The following NRXN1 variants were observed in gnomAD, a reference collection of about 807,000 sequenced individuals.
NRXN1 encodes neurexin-1.
A neutral mutation model predicts 150.9 loss-of-function variants in NRXN1; 39 were observed. The ratio of observed to expected loss-of-function variants is 0.26; its 90% CI spans 0.20 to 0.34. The LOEUF (loss-of-function observed/expected upper bound fraction) is 0.34. Among genes scored for constraint, NRXN1 ranks in the 10% least tolerant of loss-of-function variants. The pLI, the probability that NRXN1 is intolerant of heterozygous loss-of-function variation, is 1.00. For missense variants in NRXN1, 1,815 were observed against 1,949.9 expected, an observed-to-expected ratio of 0.93 and a Z score of 1.30; for synonymous variants, 924 against 757.0, an observed-to-expected ratio of 1.22 and a Z score of -3.62.
At chr2:50,833,954 T>G (rs1671750204) in intron 5 of NRXN1, among the ~76,000 whole-genome samples, 1 of 152,312 alleles carries the variant, frequency 6.6e-6, no homozygotes. Context: ...TACTCCAGTA[T>G]GCCTATAAAA....
intron 21 of NRXN1, among the ~76,000 whole-genome samples, chr2:49,956,377 T>G (rs1674947575): frequency 6.6e-6 from 1 of 152,162 alleles, no homozygotes; most frequent in Non-Finnish European, 1.5e-5. Flanking sequence ...CGAGAAGCAT[T>G]GTCATGTTAA....
At position 50,767,008 on chromosome 2, in the gene NRXN1, G is replaced by T. The variant is rs919278276; in HGVS notation, c.833-143393C>A. On this transcript the variant is annotated intron_variant, in intron 5 of 22. Coordinates refer to ENST00000401669, the MANE Select transcript of NRXN1 (RefSeq NM_001330078.2). ...TTAACGAAATACCTTGGATACACTG[G>T]CTAGACAAAAGATTCCTGGTCCTGA... Among the ~76,000 whole-genome samples, 8 of 152,126 alleles carry T rather than the reference G, an allele frequency of 5.3e-5. No individual in the cohort carries two copies. In the South Asian group the frequency reaches 1.5e-3, roughly 28 times the overall value.
At chr2:50,562,091 T>C (rs891392749) in intron 8 of NRXN1, among the ~76,000 whole-genome samples, 7 of 152,294 alleles carry the variant, frequency 4.6e-5, no homozygotes, top group Non-Finnish European at 7.4e-5. Flanking sequence ...TCTTCCCATA[T>C]ACCAAGAAAA....
chr2:50,942,902 GGA>G (rs1382004844), intron 2 of NRXN1, among the ~76,000 whole-genome samples: 1 of 152,104 alleles, frequency 6.6e-6, no homozygotes, highest in Non-Finnish European at 1.5e-5. Flanking sequence ...TAGGCGCCAG[GGA>G]TGGAATAACA....
Position 51,027,727 on chromosome 2 carries a change from A to C in NRXN1, c.547T>G (p.Trp183Gly). The change falls in exon 2 of 23, where the codon TGG becomes GGG. Residue 183 changes from tryptophan to glycine, a missense_variant. Coordinates refer to ENST00000401669, the MANE Select transcript of NRXN1 (RefSeq NM_001330078.2). ...SVREREPFKG[W>G]IRDVRVNSSQ... ...GAGTTGACCCTCACGTCACGAATCCACCCCTTGAAGGGCTCCCGCTCCCTC... is the reference window on the plus strand; with the variant it reads ...GAGTTGACCCTCACGTCACGAATCCCCCCCTTGAAGGGCTCCCGCTCCCTC... 6.2e-7 allele frequency: 1 copy of C among 1,610,182 alleles called. No homozygotes were observed. Among genetic ancestry groups the C allele is most frequent in the Non-Finnish European group, 8.5e-7 (1 of 1,178,078 alleles).
intron 8 of NRXN1, among the ~76,000 whole-genome samples, chr2:50,617,704 T>G (rs1439750225): frequency 6.6e-6 from 1 of 152,166 alleles, no homozygotes; most frequent in East Asian, 1.9e-4. Context: ...TTAGCCACTG[T>G]GAACTAACAT....
intron 5 of NRXN1, among the ~76,000 whole-genome samples, chr2:50,647,123 G>A (rs1250422117): frequency 1.3e-5 from 2 of 151,470 alleles, no homozygotes; most frequent in Non-Finnish European, 2.9e-5. Context: ...TGAACAAACT[G>A]TATCTCTCAA....
intron 9 of NRXN1, among the ~76,000 whole-genome samples, chr2:50,544,084 T>C (rs1459819079): frequency 1.3e-5 from 2 of 152,140 alleles, no homozygotes; most frequent in African/African-American, 4.8e-5. Context: ...CTTAAATGAA[T>C]TGTTTAAATT....
chr2:50,366,147 G>C (rs2079562669), intron 17 of NRXN1, among the ~76,000 whole-genome samples: 1 of 133,072 alleles, frequency 7.5e-6, no homozygotes, highest in South Asian at 2.4e-4. Flanking sequence ...TTTCTCGGCT[G>C]GACACTTTTT....
At chr2:50,278,121 G>A (rs1397548391) in intron 17 of NRXN1, among the ~76,000 whole-genome samples, 1 of 135,784 alleles carries the variant, frequency 7.4e-6, no homozygotes, top group Non-Finnish European at 1.6e-5. Context: ...CAGGCTGGAG[G>A]GCAGTGGCAG....
intron 17 of NRXN1, among the ~76,000 whole-genome samples, chr2:50,376,854 A>G (rs977162508): frequency 6.6e-6 from 1 of 152,156 alleles, no homozygotes; most frequent in East Asian, 1.9e-4. Flanking sequence ...AAGGCAGGTT[A>G]GTCTTAGAAA....
At chr2:50,140,804 G>A (rs1402698457) in intron 18 of NRXN1, among the ~76,000 whole-genome samples, 1 of 151,852 alleles carries the variant, frequency 6.6e-6, no homozygotes, top group African/African-American at 2.4e-5. Context: ...GTATGGGAAG[G>A]CTCTGACTGA....
intron 5 of NRXN1, among the ~76,000 whole-genome samples, chr2:50,911,194 C>A (rs1476216476): frequency 6.6e-6 from 1 of 151,372 alleles, no homozygotes; most frequent in Non-Finnish European, 1.5e-5. Context: ...TAAAGTTGCC[C>A]TCTCAGGCTG....
chr2:50,860,282 G>A (rs1277149800), intron 5 of NRXN1, among the ~76,000 whole-genome samples: 2 of 151,990 alleles, frequency 1.3e-5, no homozygotes, highest in Non-Finnish European at 2.9e-5. Flanking sequence ...TGTGAGGTAT[G>A]TCACTTATCT....
intron 5 of NRXN1, among the ~76,000 whole-genome samples, chr2:50,688,663 T>G (rs866462516): frequency 3.9e-5 from 6 of 152,040 alleles, no homozygotes; most frequent in Non-Finnish European, 8.8e-5. Flanking sequence ...CTCAGGGACT[T>G]TCTTTTCAGT....
chr2:50,601,243 A>G (rs1559001302), intron 8 of NRXN1, among the ~76,000 whole-genome samples: 1 of 152,184 alleles, frequency 6.6e-6, no homozygotes, highest in Non-Finnish European at 1.5e-5. Flanking sequence ...CCTACGAGAA[A>G]AATAAAAGTA....
chr2:50,457,497 C>T (rs2087691612), intron 17 of NRXN1, among the ~76,000 whole-genome samples: 1 of 152,062 alleles, frequency 6.6e-6, no homozygotes, highest in African/African-American at 2.4e-5. Flanking sequence ...ATATTCATAC[C>T]TCACAATCAG....
chr2:50,586,200 G>A (rs931286746), intron 8 of NRXN1, among the ~76,000 whole-genome samples: 2 of 152,056 alleles, frequency 1.3e-5, no homozygotes, highest in South Asian at 2.1e-4. Flanking sequence ...TACCCAGAAC[G>A]TTCTTCCTCA....
chr2:50,952,623 A>G (rs1005208253), intron 2 of NRXN1, among the ~76,000 whole-genome samples: 2 of 152,228 alleles, frequency 1.3e-5, no homozygotes, highest in African/African-American at 4.8e-5. Flanking sequence ...TAGAAAATAA[A>G]TAAAAATGAA....
Sources: gnomAD v4.1 joint callset for allele counts (sites outside exome capture counted in the v4.1 genomes callset) on GRCh38, gnomAD v4.1.1 for gene constraint, MANE v1.5 for transcripts, NCBI Gene and HGNC (gene_info 2026-07-23, HGNC 2026-07-21) for gene names.